The following MUC12 variants were observed in gnomAD, a reference collection of about 807,000 sequenced individuals.
MUC12 encodes the protein mucin-12.
Under a neutral mutation model 230.8 loss-of-function variants are expected in MUC12, and 172 were observed. The observed-to-expected ratio is 0.75, with a 90% CI of 0.66 to 0.85. The LOEUF is 0.85. Among genes scored for constraint, MUC12 ranks in the 40% least tolerant of loss-of-function variants. MUC12 has a pLI of 0.00. For missense variants in MUC12, 3,506 were observed against 5,920.6 expected, an observed-to-expected ratio of 0.59 and a Z score of 13.38; for synonymous variants, 1,259 against 2,401.9, an observed-to-expected ratio of 0.52 and a Z score of 13.91.
Position 101,009,076 on chromosome 7 carries a change from G to A in MUC12, c.15187-19G>A, listed in dbSNP as rs1793802755. 5 of 1,537,380 alleles carry A rather than the reference G, an allele frequency of 3.3e-6. No homozygotes were observed. The highest frequency in any genetic ancestry group is 1.2e-5 in the South Asian group (1 of 84,040). The stretch of plus-strand genomic sequence containing the variant: ...CATGCTCTAGCTTTGTGTGACCTTC[G>A]CTGCCTTGTTTCTTTCAGATGGATG... On this transcript the variant is annotated intron_variant, in intron 4 of 11. Coordinates refer to ENST00000536621, the MANE Select transcript of MUC12 (RefSeq NM_001164462.2).
At chr7:100,971,838 G>A (rs1792906038) in intron 1 of MUC12, among the ~76,000 whole-genome samples, 1 of 152,312 alleles carries the variant, frequency 6.6e-6, no homozygotes, top group Non-Finnish European at 1.5e-5. Flanking sequence ...TGACAGCGAT[G>A]ATGAAGGCCC....
intron 5 of MUC12, among the ~76,000 whole-genome samples, chr7:101,010,418 G>A (rs1368033910): frequency 1.3e-5 from 2 of 151,990 alleles, no homozygotes; most frequent in East Asian, 3.9e-4. Context: ...CTCACTGCAG[G>A]CTCAACCTCT....
intron 10 of MUC12, among the ~76,000 whole-genome samples, chr7:101,016,683 A>C: frequency 1.0e-5 from 1 of 98,026 alleles, no homozygotes; most frequent in Non-Finnish European, 2.1e-5. Context: ...AGGTGGAGGA[A>C]GTGAGGCTGA....
chr7:101,015,833 T>C, intron 10 of MUC12, 142 bp downstream of exon 10: 2 of 698,532 alleles, frequency 2.9e-6, no homozygotes, highest in Non-Finnish European at 2.4e-6. Flanking sequence ...TACCTGCCGC[T>C]GCAGCCCCGG....
At position 100,991,361 on chromosome 7, in the gene MUC12, C is replaced by T; in HGVS notation, c.798C>T (p.Ser266=). ...TGSPHTTLSP[S]SSTTHEGEPT... Reference sequence around the variant, plus strand: ...CGCCACACACAACACTGTCCCCTTCCAGCTCTACAACCCATGAGGGAGAAC... The same window carrying T: ...CGCCACACACAACACTGTCCCCTTCTAGCTCTACAACCCATGAGGGAGAAC... Residue 266 remains serine (S), a synonymous_variant, in exon 2 of 12, where the codon TCC becomes TCT. Coordinates refer to ENST00000536621, the MANE Select transcript of MUC12 (RefSeq NM_001164462.2). 6.5e-7 allele frequency: 1 copy of T among 1,537,858 alleles called. No homozygotes were observed. The highest frequency in any genetic ancestry group is 2.4e-5 in the East Asian group (1 of 40,922).
intron 1 of MUC12, among the ~76,000 whole-genome samples, chr7:100,970,915 T>C (rs1295599465): frequency 6.6e-6 from 1 of 151,682 alleles, no homozygotes; most frequent in African/African-American, 2.4e-5. Context: ...GAGAATGGCG[T>C]GAACCCGGGA....
chr7:100,995,628 T>C lies in MUC12; in HGVS notation c.5065T>C (p.Phe1689Leu). The change falls in exon 2 of 12, where the codon TTC (phenylalanine) becomes CTC (leucine). Residue 1689 changes from phenylalanine to leucine, a missense_variant. Transcript: ENST00000536621. Reference protein sequence around the residue: ...STTRQGESTTFQSWPSSKDTM... With the variant: ...STTRQGESTTLQSWPSSKDTM... Reference sequence around the variant, plus strand: ...AACACGTCAGGGAGAATCTACCACCTTCCAGAGCTGGCCAAGCTCAAAGGA... The same window carrying C: ...AACACGTCAGGGAGAATCTACCACCCTCCAGAGCTGGCCAAGCTCAAAGGA... 6.5e-7 allele frequency: 1 copy of C among 1,536,988 alleles called. No individual in the cohort carries two copies. Among genetic ancestry groups the C allele is most frequent in the South Asian group, 1.2e-5 (1 of 84,050 alleles).
chr7:100,990,646 C>T lies in MUC12; in HGVS notation c.83C>T (p.Thr28Ile). 6.5e-7 allele frequency: 1 copy of T among 1,537,520 alleles called. No individual in the cohort carries two copies. The highest frequency in any genetic ancestry group is 8.7e-7 in the Non-Finnish European group (1 of 1,146,972). The change falls in exon 2 of 12, where the codon ACC becomes ATC. Residue 28 changes from threonine (T) to isoleucine (I), a missense_variant. Coordinates refer to ENST00000536621, the MANE Select transcript of MUC12 (RefSeq NM_001164462.2). Reference protein sequence around the residue: ...TTVTPGSTVNTSIGGNTTSAS... With the variant: ...TTVTPGSTVNISIGGNTTSAS... ...CAAATCACAGGCTCAACAGTAAACA[C>T]CAGTATTGGAGGTAATACAACTTCT...
Position 101,009,140 on chromosome 7 carries a change from G to A in MUC12, c.15232G>A (p.Val5078Met). ...KGDNLPQYRG[V>M]NIRRLLNGSI... is the part of the protein sequence containing the mutation. ...CGACAATCTTCCTCAGTATAGAGGG[G>A]TGAACATTCGGAGATTGCTGTGAGT... Residue 5078 changes from valine to methionine, a missense_variant, in exon 5 of 12, where the codon GTG becomes ATG. Physicochemically the swap from Val to Met is conservative, Grantham distance 21. Transcript: ENST00000536621. 6.5e-7 allele frequency: 1 copy of A among 1,537,908 alleles called. No homozygotes were observed. Among genetic ancestry groups the A allele is most frequent in the Non-Finnish European group, 8.7e-7 (1 of 1,147,044 alleles).
At chr7:100,975,190 A>ATG (rs1793003702) in intron 1 of MUC12, among the ~76,000 whole-genome samples, 1 of 152,296 alleles carries the variant, frequency 6.6e-6, no homozygotes, top group African/African-American at 2.4e-5. Context: ...AGGGATCCAC[A>ATG]CGATGACTGG....
chr7:101,012,092 A>G (rs939651328), intron 5 of MUC12, among the ~76,000 whole-genome samples: 84 of 152,296 alleles, frequency 5.5e-4, no homozygotes, highest in African/African-American at 2.0e-3. Context: ...GGCATTTATC[A>G]TGATCACTGA....
intron 4 of MUC12, 120 bp downstream of exon 4, chr7:101,008,881 TC>T: frequency 7.3e-7 from 1 of 1,363,814 alleles, no homozygotes; most frequent in Non-Finnish European, 9.7e-7. Context: ...CCTACCAGTC[TC>T]CCTAAGTCTT....
intron 4 of MUC12, 60 bp from the exon 5 acceptor site, chr7:101,009,035 G>A (rs1793801564): frequency 6.6e-7 from 1 of 1,516,454 alleles, no homozygotes; most frequent in Non-Finnish European, 8.9e-7. Context: ...CTCAAGAAGG[G>A]TAACAGGAGA....
At chr7:101,014,926 G>T (rs1465040493) in intron 9 of MUC12, among the ~76,000 whole-genome samples, 1 of 152,126 alleles carries the variant, frequency 6.6e-6, no homozygotes, top group African/African-American at 2.4e-5. Flanking sequence ...GGGATTACAG[G>T]TGTGAGCTGT....
chr7:101,006,623 G>T, intron 3 of MUC12, 51 bp downstream of exon 3: 2 of 1,254,602 alleles, frequency 1.6e-6, no homozygotes, highest in South Asian at 2.6e-5. Context: ...TTTCACCCCT[G>T]AAAACAGCAT....
At chr7:100,981,262 G>T in intron 1 of MUC12, 1 of 420,304 alleles carries the variant, frequency 2.4e-6, no homozygotes, top group South Asian at 6.9e-5. Context: ...AAGGACCGCC[G>T]CACTTGCTCT....
chr7:101,018,766 T>C lies in MUC12; in HGVS notation c.*130T>C. The C allele has an allele frequency of 1.1e-6, 1 of 940,382 alleles. No individual in the cohort carries two copies. The highest frequency in any genetic ancestry group is 1.5e-6 in the Non-Finnish European group (1 of 656,948). 58.3% of individuals were successfully genotyped at this position (940,382 alleles called of 1,614,324 possible). A position where few individuals can be genotyped will look rare whatever the true frequency, so the allele number is the denominator to read the frequency against. ...CCCTGAAGCCGGTCCTGCTCTGAGCTGACAGACTTGGCCAGTCCCCTGCCT... is the reference window on the plus strand; with the variant it reads ...CCCTGAAGCCGGTCCTGCTCTGAGCCGACAGACTTGGCCAGTCCCCTGCCT... On this transcript the variant is annotated 3_prime_UTR_variant, in exon 12 of 12. Coordinates refer to ENST00000536621, the MANE Select transcript of MUC12 (RefSeq NM_001164462.2).
rs1236567613 is a variant in MUC12, at chr7:100,991,459, T to A, written c.896T>A (p.Val299Asp). 59 of 1,537,596 alleles carry A rather than the reference T, an allele frequency of 3.8e-5. No individual in the cohort carries two copies. Among genetic ancestry groups the A allele is most frequent in the East Asian group, 4.9e-5 (2 of 40,916 alleles). ...PAPSGTTSAF[V>D]KLSTTYHSSP... ...CCTTCTGGTACCACATCAGCCTTTG[T>A]TAAACTATCTACAACTTATCACAGC... Residue 299 changes from valine to aspartate, a missense_variant, in exon 2 of 12, where the codon GTT (valine) becomes GAT (aspartate). Coordinates refer to ENST00000536621, the MANE Select transcript of MUC12 (RefSeq NM_001164462.2).
chr7:101,006,533 G>A lies in MUC12; in HGVS notation c.15019G>A (p.Gly5007Ser), dbSNP rs1413689282. The change falls in exon 3 of 12, where the codon GGT becomes AGT. Residue 5007 changes from glycine (G) to serine (S), a missense_variant. Transcript: ENST00000536621. ...KQCVCPQGYVGYQCLSPLESF... is the reference protein window; with the variant it reads ...KQCVCPQGYVSYQCLSPLESF... Reference sequence around the variant, plus strand: ...ATGCGTCTGTCCCCAAGGCTACGTTGGTTACCAGTGCTTGTCCCCTCTGGA... The same window carrying A: ...ATGCGTCTGTCCCCAAGGCTACGTTAGTTACCAGTGCTTGTCCCCTCTGGA... The A allele has an allele frequency of 6.5e-7, 1 of 1,537,178 alleles. No homozygotes were observed. Among genetic ancestry groups the A allele is most frequent in the Non-Finnish European group, 8.7e-7 (1 of 1,146,882 alleles).
Sources: allele counts gnomAD v4.1 joint callset (sites outside exome capture counted in the v4.1 genomes callset), GRCh38; gene constraint gnomAD v4.1.1; transcripts MANE v1.5; gene names NCBI Gene and HGNC (gene_info 2026-07-23, HGNC 2026-07-21).